The following SHISA9 variants were observed in gnomAD, a reference collection of about 807,000 sequenced individuals.
SHISA9 encodes protein shisa-9.
Under a neutral mutation model 38.0 loss-of-function variants are expected in SHISA9, and 13 were observed. That is an observed-to-expected ratio of 0.34 (90% CI 0.22 to 0.54). SHISA9 has a LOEUF of 0.54. Ranked by LOEUF, SHISA9 falls within the 20% of genes least tolerant of loss-of-function variation. The pLI, the probability that SHISA9 is intolerant of heterozygous loss-of-function variation, is 0.91. For missense variants in SHISA9, 538 were observed against 575.8 expected (o/e 0.93, Z 0.67); for synonymous variants, 275 against 242.0 (o/e 1.14, Z -1.27).
At chr16:13,344,820 C>A in the SHISA9 span, among the ~76,000 whole-genome samples, 1 of 152,166 alleles carries the variant, frequency 6.6e-6, no homozygotes, top group African/African-American at 2.4e-5. Flanking sequence ...AGAAGCATGC[C>A]TCCAAATCCT....
At chr16:13,099,184 G>A (rs2073855145) in intron 2 of SHISA9, among the ~76,000 whole-genome samples, 1 of 152,176 alleles carries the variant, frequency 6.6e-6, no homozygotes, top group Non-Finnish European at 1.5e-5. Context: ...CAACAGAAGT[G>A]AGTAGTTGTG....
chr16:13,356,071 C>T, the SHISA9 span, among the ~76,000 whole-genome samples: 15 of 152,314 alleles, frequency 9.8e-5, no homozygotes, highest in African/African-American at 3.6e-4. Flanking sequence ...AACACCTGGC[C>T]ACTGCGGTTC....
intron 2 of SHISA9, among the ~76,000 whole-genome samples, chr16:13,052,032 G>C (rs1370861033): frequency 6.6e-6 from 1 of 152,062 alleles, no homozygotes; most frequent in Non-Finnish European, 1.5e-5. Context: ...CAAAGTACTG[G>C]GATTATAGGC....
chr16:13,039,485 GTTTTT>G (rs5815735), intron 2 of SHISA9, among the ~76,000 whole-genome samples: 7 of 126,828 alleles, frequency 5.5e-5, no homozygotes, highest in African/African-American at 1.1e-4. Flanking sequence ...ATGTCATGGG[GTTTTT>G]TTTTTTTTTT....
intron 2 of SHISA9, among the ~76,000 whole-genome samples, chr16:13,037,109 G>GACACACACACACAC (rs1207707042): frequency 2.9e-5 from 3 of 105,210 alleles, no homozygotes; most frequent in South Asian, 3.7e-4. Flanking sequence ...CACACACACA[G>GACACACACACACAC]ACACACACAC....
At chr16:13,309,099 G>C in the SHISA9 span, among the ~76,000 whole-genome samples, 1 of 152,024 alleles carries the variant, frequency 6.6e-6, no homozygotes, top group Non-Finnish European at 1.5e-5. Flanking sequence ...CTGCTTTAAA[G>C]AAACAGCATA....
At chr16:13,298,863 A>G in the SHISA9 span, among the ~76,000 whole-genome samples, 1 of 152,176 alleles carries the variant, frequency 6.6e-6, no homozygotes. Flanking sequence ...GAGCCACCAC[A>G]GGGCTTGGTT....
intron 2 of SHISA9, among the ~76,000 whole-genome samples, chr16:12,961,543 C>T (rs572383626): frequency 2.0e-5 from 3 of 152,234 alleles, no homozygotes; most frequent in South Asian, 4.2e-4. Flanking sequence ...AAGGATGTGT[C>T]TGTATCCTGA....
At chr16:12,902,671 C>A in intron 1 of SHISA9, 44 bp downstream of exon 1, 1 of 1,477,974 alleles carries the variant, frequency 6.8e-7, no homozygotes, top group Non-Finnish European at 9.0e-7. Flanking sequence ...CTTCGCTCTC[C>A]CTGCTCTCTC....
At chr16:12,920,648 A>AAAC (rs1248202168) in intron 2 of SHISA9, among the ~76,000 whole-genome samples, 10 of 152,308 alleles carry the variant, frequency 6.6e-5, no homozygotes, top group Non-Finnish European at 1.2e-4. Context: ...AGCAAACATA[A>AAAC]AACAACAACA....
chr16:13,319,396 G>A, the SHISA9 span, among the ~76,000 whole-genome samples: 179 of 152,302 alleles, frequency 1.2e-3, no homozygotes, highest in African/African-American at 3.0e-3. Context: ...TAGAAGACCC[G>A]TTGGAAGAAC....
the SHISA9 span, among the ~76,000 whole-genome samples, chr16:13,462,652 C>T: frequency 6.6e-6 from 1 of 151,900 alleles, no homozygotes; most frequent in African/African-American, 2.4e-5. Flanking sequence ...TGGTAAAACC[C>T]TGTCTGTACT....
At chr16:13,034,714 G>A (rs1037171952) in intron 2 of SHISA9, among the ~76,000 whole-genome samples, 15 of 152,188 alleles carry the variant, frequency 9.9e-5, no homozygotes, top group South Asian at 8.3e-4. Context: ...GAATATGGTA[G>A]GAGTGACTAT....
intron 2 of SHISA9, among the ~76,000 whole-genome samples, chr16:13,099,564 G>A (rs1218136277): frequency 6.6e-6 from 1 of 151,946 alleles, no homozygotes; most frequent in Non-Finnish European, 1.5e-5. Flanking sequence ...TGAGGATATC[G>A]GGAAGTGTTC....
At chr16:13,434,487 G>A in the SHISA9 span, among the ~76,000 whole-genome samples, 7 of 144,376 alleles carry the variant, frequency 4.8e-5, no homozygotes, top group Non-Finnish European at 9.0e-5. Flanking sequence ...GCGCGATCTC[G>A]GCTCACTGCA....
chr16:12,988,093 A>G (rs2072336882), intron 2 of SHISA9, among the ~76,000 whole-genome samples: 1 of 152,218 alleles, frequency 6.6e-6, no homozygotes, highest in South Asian at 2.1e-4. Context: ...CAGATTCTTC[A>G]CCATATCCCA....
At chr16:13,104,576 T>C (rs1469593147) in intron 2 of SHISA9, among the ~76,000 whole-genome samples, 2 of 152,172 alleles carry the variant, frequency 1.3e-5, no homozygotes, top group African/African-American at 4.8e-5. Context: ...AATAACAGTA[T>C]GCTAAATGAA....
At chr16:13,064,349 T>C (rs372028536) in intron 2 of SHISA9, among the ~76,000 whole-genome samples, 252 of 152,282 alleles carry the variant, frequency 1.7e-3, no homozygotes, top group South Asian at 6.6e-3. Flanking sequence ...CTTAGGGAGC[T>C]TATCTTCCTA....
intron 2 of SHISA9, among the ~76,000 whole-genome samples, chr16:13,148,692 C>G (rs911642241): frequency 8.4e-6 from 1 of 118,988 alleles, no homozygotes; most frequent in Non-Finnish European, 1.7e-5. Flanking sequence ...TACACAAGCA[C>G]ACACACACAC....
Sources: gnomAD v4.1 joint callset for allele counts (sites outside exome capture counted in the v4.1 genomes callset) on GRCh38, gnomAD v4.1.1 for gene constraint, MANE v1.5 for transcripts, NCBI Gene and HGNC (gene_info 2026-07-23, HGNC 2026-07-21) for gene names.